The following LRP1B variants were observed in gnomAD, a reference collection of about 807,000 sequenced individuals.
The protein encoded by LRP1B is LDL receptor related protein 1B, also known as low-density lipoprotein receptor-related protein 1B.
LRP1B carries 217 observed loss-of-function variants against 556.6 expected under a neutral mutation model. That is an observed-to-expected ratio of 0.39 (90% CI 0.35 to 0.44). LRP1B has a LOEUF of 0.44. Among genes scored for constraint, LRP1B ranks in the 20% least tolerant of loss-of-function variants. The pLI, the probability that LRP1B is intolerant of heterozygous loss-of-function variation, is 1.00. For synonymous variants in LRP1B, 2,047 were observed against 1,865.8 expected (o/e 1.10, Z -2.50); for missense variants, 5,053 against 5,620.8 (o/e 0.90, Z 3.23).
At chr2:141,009,554 A>G (rs968449101) in intron 14 of LRP1B, among the ~76,000 whole-genome samples, 2 of 151,994 alleles carry the variant, frequency 1.3e-5, no homozygotes, top group African/African-American at 4.8e-5. Flanking sequence ...GGGAAATATA[A>G]AAAGAAAGAA....
At chr2:141,155,677 G>A (rs1249451) in intron 7 of LRP1B, among the ~76,000 whole-genome samples, 151,686 of 152,068 alleles carry the variant, frequency 1, 75,654 homozygotes, top group Middle Eastern at 1. Flanking sequence ...CAGCTGCAAA[G>A]ACAAATTTAT....
chr2:142,081,825 G>T (rs1160024584), intron 1 of LRP1B, among the ~76,000 whole-genome samples: 1 of 152,062 alleles, frequency 6.6e-6, no homozygotes, highest in Non-Finnish European at 1.5e-5. Flanking sequence ...TTGTAAGCAT[G>T]GGGTTTTTGA....
At chr2:142,103,279 G>C (rs1163352214) in intron 1 of LRP1B, among the ~76,000 whole-genome samples, 1 of 151,676 alleles carries the variant, frequency 6.6e-6, no homozygotes, top group Non-Finnish European at 1.5e-5. Flanking sequence ...TAAATTATTT[G>C]CATAAACTTC....
In LRP1B at chr2:141,761,359, C is replaced by CAAAAA. The variant is rs11355588; in HGVS notation, c.205+48915_205+48919dup. Among the ~76,000 whole-genome samples the CAAAAA allele has an allele frequency of 3.1e-3, 461 of 148,330 alleles. 4 individuals are homozygous for CAAAAA. Among genetic ancestry groups the CAAAAA allele is most frequent in the African/African-American group, 0.011 (440 of 40,490 alleles). On this transcript the variant is annotated intron_variant, in intron 2 of 90. Coordinates refer to ENST00000389484, the MANE Select transcript of LRP1B (RefSeq NM_018557.3). ...GAATTTTCCCTCAGCAATCCTAAGTCAAAAAAAAAAAATACATTGAAGTCT... is the reference window on the plus strand; with the variant it reads ...GAATTTTCCCTCAGCAATCCTAAGTCAAAAAAAAAAAAAAAAATACATTGAAGTCT...
intron 79 of LRP1B, among the ~76,000 whole-genome samples, chr2:140,329,618 C>T (rs1680688636): frequency 1.3e-5 from 2 of 151,678 alleles, no homozygotes; most frequent in Admixed American, 6.6e-5. Context: ...AGCAGAGAGC[C>T]AAATCATAAA....
chr2:140,653,594 A>T, intron 41 of LRP1B, among the ~76,000 whole-genome samples: 1 of 152,242 alleles, frequency 6.6e-6, no homozygotes, highest in Non-Finnish European at 1.5e-5. Flanking sequence ...CAAGCTATGT[A>T]AGAAAACAAG....
intron 1 of LRP1B, among the ~76,000 whole-genome samples, chr2:141,817,735 T>C (rs962525442): frequency 6.6e-6 from 1 of 152,092 alleles, no homozygotes; most frequent in Non-Finnish European, 1.5e-5. Flanking sequence ...TTTACAAAAA[T>C]TTTATGCCAT....
At chr2:140,438,943 C>T (rs1686307388) in intron 66 of LRP1B, among the ~76,000 whole-genome samples, 1 of 152,064 alleles carries the variant, frequency 6.6e-6, no homozygotes. Context: ...CAGAAAATAA[C>T]TGATAAAAAC....
chr2:141,214,039 GT>G (rs576667873), intron 6 of LRP1B, among the ~76,000 whole-genome samples: 3 of 151,856 alleles, frequency 2.0e-5, no homozygotes, highest in South Asian at 4.2e-4. Flanking sequence ...TTACTGTTTT[GT>G]TTTTTTCCTA....
chr2:140,591,146 A>G (rs144507537), intron 43 of LRP1B, among the ~76,000 whole-genome samples: 1,611 of 152,330 alleles, frequency 0.011, 22 homozygotes, highest in Middle Eastern at 0.041. Context: ...ATTGGACCTA[A>G]TAGTCTGAAT....
chr2:141,360,158 C>A (rs532411259), intron 3 of LRP1B, among the ~76,000 whole-genome samples: 1 of 152,032 alleles, frequency 6.6e-6, no homozygotes. Context: ...TTTAAGCAGC[C>A]GTAATAGGCA....
chr2:141,447,033 C>T (rs1435717938), intron 3 of LRP1B, among the ~76,000 whole-genome samples: 2 of 152,094 alleles, frequency 1.3e-5, no homozygotes, highest in Non-Finnish European at 2.9e-5. Flanking sequence ...GTTCTTCCAT[C>T]ACTTTCAGGT....
chr2:141,822,092 TACACACACACAC>T (rs149899299), intron 1 of LRP1B, among the ~76,000 whole-genome samples: 38 of 112,412 alleles, frequency 3.4e-4, no homozygotes, highest in Admixed American at 1.7e-3. Flanking sequence ...AAAAAATACA[TACACACACACAC>T]ACACACACAC....
chr2:141,024,098 G>A (rs749659812), intron 11 of LRP1B, among the ~76,000 whole-genome samples: 2 of 151,926 alleles, frequency 1.3e-5, no homozygotes, highest in Non-Finnish European at 2.9e-5. Context: ...AATATGGTCT[G>A]AGGCCATAAA....
intron 3 of LRP1B, among the ~76,000 whole-genome samples, chr2:141,307,185 G>C (rs1366007966): frequency 6.6e-6 from 1 of 151,734 alleles, no homozygotes; most frequent in Non-Finnish European, 1.5e-5. Flanking sequence ...TAGATGATCT[G>C]TCTCATGCTG....
chr2:141,820,988 A>G (rs928046484), intron 1 of LRP1B, among the ~76,000 whole-genome samples: 3 of 152,234 alleles, frequency 2.0e-5, no homozygotes, highest in Non-Finnish European at 4.4e-5. Context: ...TGGGCCCAAT[A>G]TCATCACAAG....
chr2:141,474,383 G>A (rs1682621247), intron 3 of LRP1B, among the ~76,000 whole-genome samples: 1 of 148,886 alleles, frequency 6.7e-6, no homozygotes, highest in Non-Finnish European at 1.5e-5. Flanking sequence ...TTTTGAGAAT[G>A]CCTCTAAGTT....
At chr2:141,742,268 T>G (rs1693738940) in intron 2 of LRP1B, among the ~76,000 whole-genome samples, 1 of 150,152 alleles carries the variant, frequency 6.7e-6, no homozygotes, top group African/African-American at 2.5e-5. Context: ...TTTTTTTTTT[T>G]TGAGAAGGAG....
chr2:141,394,207 A>C (rs1385786528), intron 3 of LRP1B, among the ~76,000 whole-genome samples: 1 of 152,136 alleles, frequency 6.6e-6, no homozygotes, highest in Non-Finnish European at 1.5e-5. Context: ...TATAAAGTTC[A>C]ATTTTTACTT....
Sources: allele counts gnomAD v4.1 joint callset (sites outside exome capture counted in the v4.1 genomes callset), GRCh38; gene constraint gnomAD v4.1.1; transcripts MANE v1.5; gene names NCBI Gene and HGNC (gene_info 2026-07-23, HGNC 2026-07-21).